The following INSL6 variants were observed in gnomAD, a reference collection of about 807,000 sequenced individuals.
INSL6 encodes insulin like 6.
Under a neutral mutation model 9.4 loss-of-function variants are expected in INSL6, and 16 were observed. The ratio of observed to expected loss-of-function variants is 1.70; its 90% CI spans 1.15 to 2.59. The LOEUF is 2.59. Among genes scored for constraint, INSL6 ranks in the 30% most tolerant of loss-of-function variants. The pLI is 0.00. For synonymous variants in INSL6, 154 were observed against 96.9 expected (o/e 1.59, Z -3.46); for missense variants, 391 against 257.3 (o/e 1.52, Z -3.56).
chr9:5,040,453 A>C, the INSL6 span, among the ~76,000 whole-genome samples: 1 of 152,252 alleles, frequency 6.6e-6, no homozygotes, highest in African/African-American at 2.4e-5. Flanking sequence ...TAGTTAAGTT[A>C]GGCTTTATCA....
At chr9:5,102,374 A>G in the INSL6 span, among the ~76,000 whole-genome samples, 16 of 152,360 alleles carry the variant, frequency 1.1e-4, no homozygotes, top group South Asian at 2.1e-4. Context: ...TAAAGCCTAC[A>G]AGAAATACAG....
chr9:5,148,626 T>C (rs529920553), intron 2 of INSL6, among the ~76,000 whole-genome samples: 24 of 152,290 alleles, frequency 1.6e-4, no homozygotes, highest in African/African-American at 4.8e-4. Flanking sequence ...CCTGCAAGCC[T>C]GTGCAACTCA....
chr9:5,178,842 C>T lies in INSL6; in HGVS notation c.289+6472G>A, dbSNP rs112566776. ...AAATTGAAACTGGACCCCTTCCTTA[C>T]ACTCTACACAAAAATTAACTCAAGA... On this transcript the variant is annotated intron_variant, in intron 1 of 1. Coordinates refer to ENST00000381641, the MANE Select transcript of INSL6 (RefSeq NM_007179.3). Among the ~76,000 whole-genome samples the T allele has an allele frequency of 1.4e-3, 208 of 152,202 alleles. 2 individuals are homozygous for T. Among genetic ancestry groups the T allele is most frequent in the African/African-American group, 4.8e-3 (201 of 41,516 alleles).
the INSL6 span, chr9:5,065,122 T>C: frequency 2.1e-5 from 18 of 843,762 alleles, 1 homozygote; most frequent in East Asian, 5.6e-4. Context: ...GTGATACATG[T>C]ATGTTTAGAA....
the INSL6 span, chr9:5,041,998 G>A: frequency 2.8e-6 from 1 of 354,292 alleles, no homozygotes; most frequent in South Asian, 2.3e-5. Context: ...GGGCCTTGGG[G>A]CCCACCCACA....
At chr9:5,009,740 T>G in the INSL6 span, among the ~76,000 whole-genome samples, 2 of 152,228 alleles carry the variant, frequency 1.3e-5, no homozygotes, top group Admixed American at 1.3e-4. Flanking sequence ...TGCTTATAGA[T>G]GCCTTCCTCT....
the INSL6 span, among the ~76,000 whole-genome samples, chr9:5,017,304 A>G: frequency 6.6e-6 from 1 of 152,224 alleles, no homozygotes; most frequent in African/African-American, 2.4e-5. Context: ...TCCTGAAGGA[A>G]GACCCAAAAC....
the INSL6 span, chr9:5,041,263 C>CCAAGGGGTA: frequency 1.5e-6 from 2 of 1,356,716 alleles, no homozygotes; most frequent in Non-Finnish European, 2.1e-6. Context: ...ACATCATCGA[C>CCAAGGGGTA]CTCGGGCTGG....
At chr9:5,150,843 G>GGA (rs1409048586) in intron 2 of INSL6, among the ~76,000 whole-genome samples, 3 of 119,978 alleles carry the variant, frequency 2.5e-5, no homozygotes, top group Non-Finnish European at 5.0e-5. Flanking sequence ...ACTGGATAAA[G>GGA]GAGACACACA....
intron 1 of INSL6, among the ~76,000 whole-genome samples, chr9:5,168,896 C>G (rs1825117278): frequency 6.6e-6 from 1 of 151,582 alleles, no homozygotes; most frequent in South Asian, 2.1e-4. Context: ...ACCCTACAAG[C>G]CAGAAGAGAC....
the INSL6 span, chr9:5,072,372 T>G: frequency 3.1e-6 from 2 of 646,018 alleles, no homozygotes; most frequent in Admixed American, 3.4e-5. Flanking sequence ...TGGATTTAGA[T>G]TCTAAGGAAA....
At chr9:5,166,251 T>C (rs994116477) in intron 1 of INSL6, among the ~76,000 whole-genome samples, 1 of 152,212 alleles carries the variant, frequency 6.6e-6, no homozygotes, top group Non-Finnish European at 1.5e-5. Context: ...TATGATTTCT[T>C]AGGCTTTACA....
intron 1 of INSL6, among the ~76,000 whole-genome samples, chr9:5,174,939 A>T (rs556425627): frequency 6.7e-6 from 1 of 149,234 alleles, no homozygotes; most frequent in East Asian, 1.9e-4. Context: ...TTTTGGAGTC[A>T]TTCTTTTTTT....
chr9:5,053,822 C>T, the INSL6 span, among the ~76,000 whole-genome samples: 1 of 151,800 alleles, frequency 6.6e-6, no homozygotes, highest in East Asian at 1.9e-4. Flanking sequence ...GAAAGGCTTC[C>T]TGGATTAGAT....
the INSL6 span, among the ~76,000 whole-genome samples, chr9:5,024,532 C>A: frequency 6.6e-6 from 1 of 152,014 alleles, no homozygotes; most frequent in Admixed American, 6.6e-5. Flanking sequence ...AGGGTCTTTT[C>A]TTCTAAGTTC....
chr9:5,127,923 A>G (rs537333576), intron 3 of INSL6: 23 of 232,340 alleles, frequency 9.9e-5, no homozygotes, highest in Middle Eastern at 1.3e-3. Context: ...AATTTTATTC[A>G]AGAATGCCAG....
At chr9:5,058,217 G>A in the INSL6 span, among the ~76,000 whole-genome samples, 3 of 152,028 alleles carry the variant, frequency 2.0e-5, no homozygotes, top group East Asian at 1.9e-4. Flanking sequence ...CTATTAGTCC[G>A]TTCTCACACT....
At chr9:5,073,368 T>C in the INSL6 span, among the ~76,000 whole-genome samples, 16 of 152,202 alleles carry the variant, frequency 1.1e-4, no homozygotes, top group African/African-American at 3.9e-4. Context: ...GTTTCCTATA[T>C]CTATCTCTGA....
At chr9:5,009,048 G>A in the INSL6 span, among the ~76,000 whole-genome samples, 2 of 151,986 alleles carry the variant, frequency 1.3e-5, no homozygotes, top group African/African-American at 4.8e-5. Context: ...TTTCTTTAAT[G>A]TATAGAGAAT....
Sources: gnomAD v4.1 joint callset for allele counts (sites outside exome capture counted in the v4.1 genomes callset) on GRCh38, gnomAD v4.1.1 for gene constraint, MANE v1.5 for transcripts, NCBI Gene and HGNC (gene_info 2026-07-23, HGNC 2026-07-21) for gene names.